The following MAP3K4 variants were observed in gnomAD, a reference collection of about 807,000 sequenced individuals.
MAP3K4 encodes mitogen-activated protein kinase kinase kinase 4.
In MAP3K4, 67 loss-of-function variants were observed where a neutral mutation model predicts 185.6. That is an observed-to-expected ratio of 0.36 (90% CI 0.30 to 0.44). MAP3K4 has a LOEUF of 0.44. Ranked by LOEUF, MAP3K4 falls within the 20% of genes least tolerant of loss-of-function variation. MAP3K4 has a pLI of 1.00. For synonymous variants in MAP3K4, 702 were observed against 710.4 expected, an observed-to-expected ratio of 0.99 and a Z score of 0.19; for missense variants, 1,551 against 1,995.1, an observed-to-expected ratio of 0.78 and a Z score of 4.24.
rs550775405 is a variant in MAP3K4, at chr6:161,087,080, A to C, written c.2556+413A>C. Among the ~76,000 whole-genome samples, 1 of 152,304 alleles carries C rather than the reference A, an allele frequency of 6.6e-6. No individual in the cohort carries two copies. The highest frequency in any genetic ancestry group is 1.5e-5 in the Non-Finnish European group (1 of 68,032). The stretch of plus-strand genomic sequence containing the variant: ...ACTAGAGCCACTTTTTGAGTCAGCA[A>C]CTTTACTCCACTTTAAGTTGTTGGA... On this transcript the variant is annotated intron_variant, in intron 9 of 26. Transcript: ENST00000392142. This position sits in a 1 kb window ranked among gnomAD's most constrained non-coding sequence, Gnocchi z 4.9.
At position 161,109,738 on chromosome 6, in the gene MAP3K4, C is replaced by A; in HGVS notation, c.4237-17C>A. The A allele has an allele frequency of 6.2e-7, 1 of 1,614,048 alleles. No homozygotes were observed. Among genetic ancestry groups the A allele is most frequent in the South Asian group, 1.1e-5 (1 of 91,066 alleles). On this transcript the variant is annotated splice_polypyrimidine_tract_variant and intron_variant, in intron 22 of 26. Transcript: ENST00000392142. The surrounding 1 kb of genome is among the most constrained non-coding windows in gnomAD (Gnocchi z 5.7). ...GGAAAACCGTAAACACAGAGCTGCC[C>A]TTTATTCCTCCCACAGGAAGAAATG...
chr6:161,014,874 A>G lies in MAP3K4; in HGVS notation c.153-19385A>G, dbSNP rs758423494. Among the ~76,000 whole-genome samples, 52 of 152,196 alleles carry G rather than the reference A, an allele frequency of 3.4e-4. 1 individual carries two copies. Among genetic ancestry groups the G allele is most frequent in the Non-Finnish European group, 1.5e-4 (10 of 68,022 alleles). ...TTTCAAACATTTTAATCACCTTGAA[A>G]AGAAACCCTGCACCATGTAGCCATT... is the stretch of plus-strand genomic sequence containing the variant. On this transcript the variant is annotated intron_variant, in intron 1 of 26. Coordinates refer to ENST00000392142, the MANE Select transcript of MAP3K4 (RefSeq NM_005922.4).
In MAP3K4 at chr6:161,061,460, A is replaced by G. The variant is rs568782994; in HGVS notation, c.1708-9148A>G. Among the ~76,000 whole-genome samples the G allele has an allele frequency of 3.2e-4, 49 of 152,352 alleles. No individual in the cohort carries two copies. Among genetic ancestry groups the G allele is most frequent in the South Asian group, 2.5e-3 (12 of 4,830 alleles). Reference sequence around the variant, plus strand: ...CAAAATAATAGCTTTATTGAGATATAATTCACTTAGCATAAAATTCACCAT... The same window carrying G: ...CAAAATAATAGCTTTATTGAGATATGATTCACTTAGCATAAAATTCACCAT... On this transcript the variant is annotated intron_variant, in intron 3 of 26. Coordinates refer to ENST00000392142, the MANE Select transcript of MAP3K4 (RefSeq NM_005922.4). This position sits in a 1 kb window ranked among gnomAD's most constrained non-coding sequence, Gnocchi z 4.2.
intron 6 of MAP3K4, among the ~76,000 whole-genome samples, chr6:161,083,424 A>G (rs1785550219): frequency 6.6e-6 from 1 of 152,190 alleles, no homozygotes; most frequent in Admixed American, 6.5e-5. Flanking sequence ...GTATTTTTGT[A>G]TAATGTTCTT....
In MAP3K4 at chr6:161,106,487, C is replaced by T. The variant is rs777977873; in HGVS notation, c.3857-27C>T. On this transcript the variant is annotated intron_variant, in intron 19 of 26. Coordinates refer to ENST00000392142, the MANE Select transcript of MAP3K4 (RefSeq NM_005922.4). The surrounding 1 kb of genome is among the most constrained non-coding windows in gnomAD (Gnocchi z 4.9). Reference sequence around the variant, plus strand: ...ACTGACTTGATAACAGTGATTGGGACTAATGAGGTTTTGGTTCTCTCTGCA... The same window carrying T: ...ACTGACTTGATAACAGTGATTGGGATTAATGAGGTTTTGGTTCTCTCTGCA... 20 of 1,548,598 alleles carry T rather than the reference C, an allele frequency of 1.3e-5. No individual in the cohort carries two copies. Among genetic ancestry groups the T allele is most frequent in the Non-Finnish European group, 1.8e-5 (20 of 1,139,640 alleles).
At chr6:161,035,764 CAA>C (rs1783136396) in intron 2 of MAP3K4, among the ~76,000 whole-genome samples, 1 of 152,158 alleles carries the variant, frequency 6.6e-6, no homozygotes, top group African/African-American at 2.4e-5. Flanking sequence ...TCTACTGAAT[CAA>C]CATTAGTTAA....
At position 161,051,369 on chromosome 6, in the gene MAP3K4, G is replaced by A. The variant is rs113091319; in HGVS notation, c.1707+1390G>A. On this transcript the variant is annotated intron_variant, in intron 3 of 26. Transcript: ENST00000392142. This position sits in a 1 kb window ranked among gnomAD's most constrained non-coding sequence, Gnocchi z 4.2. ...ATTTTAATTTTTTATTCTGACAGCC[G>A]GATTATGAGCCCTTAGGAGGAACGG... Among the ~76,000 whole-genome samples the A allele has an allele frequency of 5.3e-5, 8 of 152,180 alleles. No individual in the cohort carries two copies. Among genetic ancestry groups the A allele is most frequent in the African/African-American group, 1.4e-4 (6 of 41,520 alleles).
intron 1 of MAP3K4, among the ~76,000 whole-genome samples, chr6:161,033,361 A>G (rs977015368): frequency 1.3e-5 from 2 of 152,158 alleles, no homozygotes; most frequent in Non-Finnish European, 2.9e-5. Context: ...AATTTGTATC[A>G]TTAAATTTTA....
At position 161,037,638 on chromosome 6, in the gene MAP3K4, G is replaced by A. The variant is rs780864997; in HGVS notation, c.343+3189G>A. ...TCGCTATGTTGGCCAGGCTGGTCTC[G>A]AACTGCTGACCTCAGGTGATCCACC... On this transcript the variant is annotated intron_variant, in intron 2 of 26. Coordinates refer to ENST00000392142, the MANE Select transcript of MAP3K4 (RefSeq NM_005922.4). This position sits in a 1 kb window ranked among gnomAD's most constrained non-coding sequence, Gnocchi z 4.2. Among the ~76,000 whole-genome samples, 4 of 151,846 alleles carry A rather than the reference G, an allele frequency of 2.6e-5. No individual in the cohort carries two copies. Among genetic ancestry groups the A allele is most frequent in the African/African-American group, 4.8e-5 (2 of 41,380 alleles).
In MAP3K4 at chr6:161,114,334, C is replaced by CA. The variant is rs1413709728; in HGVS notation, c.4627-783dup. Among the ~76,000 whole-genome samples the CA allele has an allele frequency of 6.6e-6, 1 of 152,014 alleles. No individual in the cohort carries two copies. The highest frequency in any genetic ancestry group is 1.5e-5 in the Non-Finnish European group (1 of 68,000). ...TTACCGTACACATACAGTATTATAG[C>CA]AAAAAAGTTAGAAACCTTCATTTCT... On this transcript the variant is annotated intron_variant, in intron 25 of 26. Transcript: ENST00000392142. This position sits in a 1 kb window ranked among gnomAD's most constrained non-coding sequence, Gnocchi z 4.3.
rs755769802 is a variant in MAP3K4, at chr6:161,070,610, T to C, written c.1710T>C (p.Phe570=). The change falls in exon 4 of 27, where the codon TTT becomes TTC. Residue 570 remains phenylalanine, a splice_region_variant and synonymous_variant. Coordinates refer to ENST00000392142, the MANE Select transcript of MAP3K4 (RefSeq NM_005922.4). This position sits in a 1 kb window ranked among gnomAD's most constrained non-coding sequence, Gnocchi z 4.5. ...TGCCTGTTGAATTTTTGTTATAGTT[T>C]TCTGAATTTCCAGATCCCATGTGGG... ...ALVKNDRPVE[F]SEFPDPMWGS... 32 of 1,612,514 alleles carry C rather than the reference T, an allele frequency of 2.0e-5. No individual in the cohort carries two copies. The South Asian group carries it at 3.5e-4, about 18-fold the overall frequency.
rs890361189 is a variant in MAP3K4 at position 161,098,604 on chromosome 6, A to C, written c.3674+177A>C. Reference sequence around the variant, plus strand: ...CCCAGAGGCTCTGGCACTGACCAACACGAATGGATAACTGTCTGATGTCAG... The same window carrying C: ...CCCAGAGGCTCTGGCACTGACCAACCCGAATGGATAACTGTCTGATGTCAG... On this transcript the variant is annotated intron_variant, in intron 17 of 26. Transcript: ENST00000392142. This position sits in a 1 kb window ranked among gnomAD's most constrained non-coding sequence, Gnocchi z 4.4. Among the ~76,000 whole-genome samples, 1 of 152,242 alleles carries C rather than the reference A, an allele frequency of 6.6e-6. No individual in the cohort carries two copies.
chr6:161,056,828 T>C lies in MAP3K4; in HGVS notation c.1707+6849T>C, dbSNP rs1262116535. Among the ~76,000 whole-genome samples the C allele has an allele frequency of 6.6e-6, 1 of 152,194 alleles. No individual in the cohort carries two copies. The highest frequency in any genetic ancestry group is 2.4e-5 in the African/African-American group (1 of 41,432). ...ATTCATTTATTTCATCTGCGTTGCA[T>C]CCTGGGATCCTCCAAAATCCTGATT... On this transcript the variant is annotated intron_variant, in intron 3 of 26. Transcript: ENST00000392142. The surrounding 1 kb of genome is among the most constrained non-coding windows in gnomAD (Gnocchi z 5.4).
chr6:160,999,332 A>G (rs1781161080), intron 1 of MAP3K4, among the ~76,000 whole-genome samples: 2 of 152,188 alleles, frequency 1.3e-5, no homozygotes, highest in Admixed American at 6.5e-5. Context: ...TAGTACATTT[A>G]TTTTATTTAA....
intron 5 of MAP3K4, among the ~76,000 whole-genome samples, chr6:161,079,501 C>T (rs577898336): frequency 4.0e-5 from 6 of 151,852 alleles, no homozygotes; most frequent in African/African-American, 9.7e-5. Flanking sequence ...CGCTTGAACC[C>T]GGGAGGCAGA....
chr6:161,011,380 C>T (rs571668253), intron 1 of MAP3K4, among the ~76,000 whole-genome samples: 3 of 152,134 alleles, frequency 2.0e-5, no homozygotes, highest in South Asian at 2.1e-4. Context: ...TGGGAAACAG[C>T]GGAGACAGTA....
At position 161,086,418 on chromosome 6, in the gene MAP3K4, C is replaced by G. The variant is rs752585697; in HGVS notation, c.2412C>G (p.Leu804=). 15 of 1,614,134 alleles carry G rather than the reference C, an allele frequency of 9.3e-6. No homozygotes were observed. The East Asian group carries it at 3.1e-4, about 34-fold the overall frequency. ...VIEISRALKE[L]FHEARERASK... ...AGATCAGTCGAGCCCTGAAGGAGCT[C>G]TTCCATGAAGCCAGAGAAAGGGCTT... The change falls in exon 8 of 27, where the codon CTC becomes CTG. Residue 804 remains leucine, a synonymous_variant. Transcript: ENST00000392142. This position sits in a 1 kb window ranked among gnomAD's most constrained non-coding sequence, Gnocchi z 4.8.
chr6:161,010,787 T>A (rs1781808755), intron 1 of MAP3K4, among the ~76,000 whole-genome samples: 1 of 152,220 alleles, frequency 6.6e-6, no homozygotes, highest in Non-Finnish European at 1.5e-5. Flanking sequence ...GGTTGCAATT[T>A]TATGCAATTT....
intron 1 of MAP3K4, among the ~76,000 whole-genome samples, chr6:161,004,990 A>G (rs979493679): frequency 5.3e-5 from 8 of 152,234 alleles, no homozygotes; most frequent in Non-Finnish European, 1.2e-4. Context: ...TTGATACTAA[A>G]GGTCTTTTTA....
Sources: allele counts gnomAD v4.1 joint callset (sites outside exome capture counted in the v4.1 genomes callset), GRCh38; gene constraint gnomAD v4.1.1; non-coding constraint Gnocchi (gnomAD v3.1); transcripts MANE v1.5; gene names NCBI Gene and HGNC (gene_info 2026-07-23, HGNC 2026-07-21).